SLC10A7: variants seen among roughly 807,000 people sequenced by gnomAD.
SLC10A7 encodes solute carrier family 10 member 7.
A neutral mutation model predicts 43.2 loss-of-function variants in SLC10A7; 29 were observed. That is an observed-to-expected ratio of 0.67 (90% confidence interval 0.50 to 0.92). The LOEUF is 0.92. SLC10A7 is among the 40% of genes least tolerant of loss of function. SLC10A7 has a pLI of 0.00. For missense variants in SLC10A7, 295 were observed against 403.2 expected (o/e 0.73, Z 2.30); for synonymous variants, 152 against 144.8 (o/e 1.05, Z -0.35).
At chr4:146,377,708 A>G (rs904178454) in intron 5 of SLC10A7, among the ~76,000 whole-genome samples, 6 of 152,374 alleles carry the variant, frequency 3.9e-5, no homozygotes, top group Admixed American at 3.9e-4. Flanking sequence ...GAGGGTGTGC[A>G]GAGGACAACT....
At chr4:146,295,125 C>G (rs1730692294) in intron 7 of SLC10A7, among the ~76,000 whole-genome samples, 1 of 152,146 alleles carries the variant, frequency 6.6e-6, no homozygotes, top group Admixed American at 6.5e-5. Context: ...TGGAGCATAT[C>G]TTTACAGATG....
chr4:146,383,824 C>A (rs1356996370), intron 5 of SLC10A7, among the ~76,000 whole-genome samples: 1 of 152,144 alleles, frequency 6.6e-6, no homozygotes, highest in Non-Finnish European at 1.5e-5. Context: ...CAACAACAAG[C>A]TAATAATAGC....
intron 4 of SLC10A7, among the ~76,000 whole-genome samples, chr4:146,487,232 G>C (rs1261306820): frequency 6.6e-6 from 1 of 152,142 alleles, no homozygotes; most frequent in Non-Finnish European, 1.5e-5. Flanking sequence ...TTTCCAACCA[G>C]GACCCGTGAG....
At chr4:146,364,856 A>C (rs917617728) in intron 5 of SLC10A7, among the ~76,000 whole-genome samples, 4 of 152,198 alleles carry the variant, frequency 2.6e-5, no homozygotes, top group African/African-American at 9.6e-5. Context: ...TGATCATTAC[A>C]CATTGTATGC....
intron 5 of SLC10A7, among the ~76,000 whole-genome samples, chr4:146,362,917 TATAAAC>T (rs1400223309): frequency 3.3e-5 from 5 of 151,232 alleles, no homozygotes; most frequent in African/African-American, 1.2e-4. Flanking sequence ...AAAAATTACT[TATAAAC>T]AAAAGAAAAC....
intron 4 of SLC10A7, among the ~76,000 whole-genome samples, chr4:146,454,636 A>C (rs1296372037): frequency 1.3e-5 from 2 of 151,898 alleles, no homozygotes; most frequent in African/African-American, 4.8e-5. Flanking sequence ...TCCTAGAATT[A>C]TGTTAAGAAT....
chr4:146,419,845 A>G (rs1471581885), intron 5 of SLC10A7, among the ~76,000 whole-genome samples: 1 of 152,182 alleles, frequency 6.6e-6, no homozygotes, highest in Non-Finnish European at 1.5e-5. Context: ...AAAAAAAAAA[A>G]GAAATCACAA....
intron 10 of SLC10A7, among the ~76,000 whole-genome samples, chr4:146,277,456 TTC>T (rs1402672578): frequency 3.3e-5 from 5 of 152,196 alleles, no homozygotes; most frequent in Non-Finnish European, 5.9e-5. Context: ...GAACTTCCAT[TTC>T]TCTCTTTCTT....
chr4:146,305,951 A>G lies in SLC10A7; in HGVS notation c.530T>C (p.Val177Ala), dbSNP rs1180179541. 1 of 1,610,744 alleles carries G rather than the reference A, an allele frequency of 6.2e-7. No individual in the cohort carries two copies. The highest frequency in any genetic ancestry group is 8.5e-7 in the Non-Finnish European group (1 of 1,178,732). ...TSIFSQLFMT[V>A]VVPLIIGQIV... Reference sequence around the variant, plus strand: ...CTGTCCAATGATGAGAGGAACCACAACAGTCATAAAAAGCTGAGAAAAAAT... The same window carrying G: ...CTGTCCAATGATGAGAGGAACCACAGCAGTCATAAAAAGCTGAGAAAAAAT... Residue 177 changes from valine to alanine, a missense_variant, in exon 7 of 12, where the codon GTT (valine) becomes GCT (alanine). Transcript: ENST00000335472.
chr4:146,449,328 T>C (rs1241516218), intron 4 of SLC10A7, among the ~76,000 whole-genome samples: 1 of 152,196 alleles, frequency 6.6e-6, no homozygotes, highest in East Asian at 1.9e-4. Context: ...ATCTAAATTC[T>C]GTGATGAGGC....
intron 4 of SLC10A7, among the ~76,000 whole-genome samples, chr4:146,473,888 C>G (rs1460974071): frequency 6.6e-6 from 1 of 152,022 alleles, no homozygotes; most frequent in Non-Finnish European, 1.5e-5. Flanking sequence ...TATATACATT[C>G]TAATAATTAA....
At chr4:146,340,993 TA>T (rs1374150262) in intron 5 of SLC10A7, among the ~76,000 whole-genome samples, 4 of 151,148 alleles carry the variant, frequency 2.6e-5, no homozygotes, top group East Asian at 1.9e-4. Context: ...TTTGACAGTT[TA>T]AAAAAAAATC....
At chr4:146,364,270 A>C (rs1319422865) in intron 5 of SLC10A7, among the ~76,000 whole-genome samples, 2 of 152,120 alleles carry the variant, frequency 1.3e-5, no homozygotes, top group African/African-American at 2.4e-5. Flanking sequence ...GGATACATAC[A>C]ACCTACCAAG....
chr4:146,410,804 G>A (rs1234647902), intron 5 of SLC10A7, among the ~76,000 whole-genome samples: 1 of 151,960 alleles, frequency 6.6e-6, no homozygotes, highest in African/African-American at 2.4e-5. Context: ...GATCTTTTAA[G>A]GCATATCTTG....
chr4:146,479,591 C>G (rs1041167913), intron 4 of SLC10A7, among the ~76,000 whole-genome samples: 2 of 152,004 alleles, frequency 1.3e-5, no homozygotes, highest in Non-Finnish European at 2.9e-5. Flanking sequence ...AAAAAGTAGA[C>G]TGGTAGTTGC....
Position 146,521,619 on chromosome 4 carries a change from C to T in SLC10A7, c.99G>A (p.Gly33=), listed in dbSNP as rs749444016. 5.0e-6 allele frequency: 8 copies of T among 1,612,894 alleles called. No individual in the cohort carries two copies. The highest frequency in any genetic ancestry group is 3.3e-5 in the Admixed American group (2 of 59,974). The change falls in exon 1 of 12, where the codon GGG becomes GGA. Residue 33 remains glycine, a splice_region_variant and synonymous_variant. Transcript: ENST00000335472. Reference sequence around the variant, plus strand: ...AGCCGGCAGAGGTGCAGCACTTACCCCCATTCACCCCTATGGACGGCTCCA... The same window carrying T: ...AGCCGGCAGAGGTGCAGCACTTACCTCCATTCACCCCTATGGACGGCTCCA... The part of the protein sequence containing the change: ...AKLEPSIGVN[G]GPLKPEITVS...
chr4:146,305,640 A>G (rs573371150), intron 7 of SLC10A7, among the ~76,000 whole-genome samples: 4 of 152,260 alleles, frequency 2.6e-5, no homozygotes, highest in South Asian at 4.1e-4. Flanking sequence ...CTACACAGCT[A>G]CAAAGAGGAG....
chr4:146,291,956 G>A (rs1178349136), intron 9 of SLC10A7, among the ~76,000 whole-genome samples: 1 of 152,198 alleles, frequency 6.6e-6, no homozygotes, highest in Non-Finnish European at 1.5e-5. Context: ...TATAATAAAG[G>A]TGGAAAAATT....
chr4:146,277,466 C>T (rs1729279264), intron 10 of SLC10A7, among the ~76,000 whole-genome samples: 1 of 152,146 alleles, frequency 6.6e-6, no homozygotes, highest in Non-Finnish European at 1.5e-5. Context: ...TTCTCTCTTT[C>T]TTTATGTGGA....
Sources: allele counts gnomAD v4.1 joint callset (sites outside exome capture counted in the v4.1 genomes callset), GRCh38; gene constraint gnomAD v4.1.1; transcripts MANE v1.5; gene names NCBI Gene and HGNC (gene_info 2026-07-23, HGNC 2026-07-21).